RBFOX3: variants seen among roughly 807,000 people sequenced by gnomAD.
The protein encoded by RBFOX3 is RNA binding protein fox-1 homolog 3.
RBFOX3 carries 17 observed loss-of-function variants against 48.7 expected under a neutral mutation model. The ratio of observed to expected loss-of-function variants is 0.35; its 90% CI spans 0.24 to 0.52. The LOEUF is 0.52. Ranked by LOEUF, RBFOX3 falls within the 20% of genes least tolerant of loss-of-function variation. RBFOX3 has a pLI of 0.94. For synonymous variants in RBFOX3, 212 were observed against 209.5 expected, an observed-to-expected ratio of 1.01 and a Z score of -0.10; for missense variants, 382 against 497.5, an observed-to-expected ratio of 0.77 and a Z score of 2.21.
At chr17:79,110,499 G>A (rs2030769869) in intron 5 of RBFOX3, among the ~76,000 whole-genome samples, 1 of 152,232 alleles carries the variant, frequency 6.6e-6, no homozygotes, top group African/African-American at 2.4e-5. Context: ...GAACCAAGCT[G>A]TGCTGCTGTG....
At position 79,103,515 on chromosome 17, in the gene RBFOX3, C is replaced by T. The variant is rs145080513; in HGVS notation, c.415-261G>A. 3.4e-3 allele frequency among the ~76,000 whole-genome samples: 517 copies of T among 152,250 alleles called. No homozygotes were observed. The highest frequency in any genetic ancestry group is 5.5e-3 in the Non-Finnish European group (371 of 68,006). On this transcript the variant is annotated intron_variant, in intron 7 of 14. Transcript: ENST00000693108. The surrounding 1 kb of genome is among the most constrained non-coding windows in gnomAD (Gnocchi z 6.1). ...CTGAGCCCAGCCTGAGCTGATCACCCGGCATCTCCAAAGGGACAGGCCAAA... is the reference window on the plus strand; with the variant it reads ...CTGAGCCCAGCCTGAGCTGATCACCTGGCATCTCCAAAGGGACAGGCCAAA...
chr17:79,153,172 C>T (rs1462786339), intron 4 of RBFOX3, among the ~76,000 whole-genome samples: 4 of 152,192 alleles, frequency 2.6e-5, no homozygotes, highest in Non-Finnish European at 4.4e-5. Flanking sequence ...TGGGGTCCCT[C>T]CCATTTTGCA....
chr17:79,458,488 GT>G (rs2074903711), intron 2 of RBFOX3, among the ~76,000 whole-genome samples: 1 of 152,108 alleles, frequency 6.6e-6, no homozygotes, highest in Non-Finnish European at 1.5e-5. Flanking sequence ...CGTGAGATAT[GT>G]AGCTCTTTGC....
At chr17:79,348,571 CTTTTTTTTTTT>C (rs71358701) in intron 2 of RBFOX3, among the ~76,000 whole-genome samples, 4 of 75,144 alleles carry the variant, frequency 5.3e-5, no homozygotes, top group African/African-American at 1.1e-4. Flanking sequence ...TTTTCTTTTC[CTTTTTTTTTTT>C]TTTTTTTTTT....
chr17:79,408,018 C>T (rs1020113643), intron 2 of RBFOX3, among the ~76,000 whole-genome samples: 3 of 152,162 alleles, frequency 2.0e-5, no homozygotes, highest in Non-Finnish European at 2.9e-5. Context: ...CCAGCGTGGG[C>T]TCTGGAGCCC....
rs1303779643 is a variant in RBFOX3 at position 79,443,421 on chromosome 17, G to A, written c.-175+39033C>T. 4.6e-5 allele frequency among the ~76,000 whole-genome samples: 7 copies of A among 151,458 alleles called. No homozygotes were observed. Among genetic ancestry groups the A allele is most frequent in the Non-Finnish European group, 7.4e-5 (5 of 67,886 alleles). On this transcript the variant is annotated intron_variant, in intron 2 of 14. Coordinates refer to ENST00000693108, the MANE Select transcript of RBFOX3 (RefSeq NM_001350451.2). This position sits in a 1 kb window ranked among gnomAD's most constrained non-coding sequence, Gnocchi z 4.4. ...TCTTTTGAGACAGTCTTGCTCTGTC[G>A]CCCAGGCTGGAGTGCAGTGGCTCGA...
intron 2 of RBFOX3, among the ~76,000 whole-genome samples, chr17:79,381,670 G>A (rs79795860): frequency 0.028 from 4,325 of 152,332 alleles, 78 homozygotes; most frequent in East Asian, 0.084. Flanking sequence ...CTGTTATTGA[G>A]GTAGGGGCAG....
chr17:79,564,996 C>T (rs2092400406), intron 1 of RBFOX3, among the ~76,000 whole-genome samples: 4 of 143,770 alleles, frequency 2.8e-5, no homozygotes, highest in Non-Finnish European at 4.5e-5. Flanking sequence ...GCAGAGATCA[C>T]ACCACTGCTC....
rs114760619 is a variant in RBFOX3 at position 79,435,341 on chromosome 17, G to C, written c.-175+47113C>G. Among the ~76,000 whole-genome samples, 8 of 152,302 alleles carry C rather than the reference G, an allele frequency of 5.3e-5. No individual in the cohort carries two copies. The East Asian group carries it at 7.7e-4, about 15-fold the overall frequency. On this transcript the variant is annotated intron_variant, in intron 2 of 14. Transcript: ENST00000693108. ...AAAGGTACCTGCTTATGCTTTAAAG[G>C]GGGGAGAAGGAAGAAAGCTCATGCC...
chr17:79,304,010 G>A (rs2075737241), intron 3 of RBFOX3, among the ~76,000 whole-genome samples: 2 of 152,202 alleles, frequency 1.3e-5, no homozygotes, highest in South Asian at 4.1e-4. Context: ...ATTATAGGAA[G>A]TTAATGCCCC....
Position 79,471,377 on chromosome 17 carries a change from G to C in RBFOX3, c.-175+11077C>G, listed in dbSNP as rs973160359. On this transcript the variant is annotated intron_variant, in intron 2 of 14. Coordinates refer to ENST00000693108, the MANE Select transcript of RBFOX3 (RefSeq NM_001350451.2). This position sits in a 1 kb window ranked among gnomAD's most constrained non-coding sequence, Gnocchi z 4.0. ...AAATACTAAATAATTCAAAAATCAT[G>C]ATGACCTTGCCTTGGGAACTTTTGG... 1.3e-5 allele frequency among the ~76,000 whole-genome samples: 2 copies of C among 152,198 alleles called. No individual in the cohort carries two copies. The highest frequency in any genetic ancestry group is 6.5e-5 in the Admixed American group (1 of 15,282).
At chr17:79,611,183 TTCTCTC>T (rs1196349028), upstream of RBFOX3, among the ~76,000 whole-genome samples, 52 of 41,486 alleles carry the variant, frequency 1.3e-3, 1 homozygote, top group East Asian at 7.8e-3. Flanking sequence ...TCCGCCCTCC[TTCTCTC>T]TCTCTCTCTC....
chr17:79,416,980 A>G (rs34145625), intron 2 of RBFOX3, among the ~76,000 whole-genome samples: 52,216 of 151,896 alleles, frequency 0.34, 9,455 homozygotes, highest in East Asian at 0.42. Flanking sequence ...GGTAAGCCCC[A>G]GGCCCCTTGG....
chr17:79,377,172 A>G (rs1041083636), intron 2 of RBFOX3, among the ~76,000 whole-genome samples: 23 of 152,276 alleles, frequency 1.5e-4, no homozygotes, highest in African/African-American at 5.5e-4. Context: ...CTGGTCTTGC[A>G]TATTTGTCTA....
intron 4 of RBFOX3, among the ~76,000 whole-genome samples, chr17:79,120,564 T>C (rs1437790286): frequency 2.0e-5 from 3 of 150,404 alleles, no homozygotes; most frequent in East Asian, 3.9e-4. Context: ...AATGGATGGG[T>C]AGATGGATGG....
At chr17:79,495,918 G>C (rs1182065500) in intron 1 of RBFOX3, among the ~76,000 whole-genome samples, 1 of 151,918 alleles carries the variant, frequency 6.6e-6, no homozygotes, top group Non-Finnish European at 1.5e-5. Flanking sequence ...CTCCAGCCTC[G>C]GCACAGCCTG....
chr17:79,409,949 G>A (rs1160073335), intron 2 of RBFOX3, among the ~76,000 whole-genome samples: 2 of 152,246 alleles, frequency 1.3e-5, no homozygotes, highest in Non-Finnish European at 2.9e-5. Flanking sequence ...AGGGAGGAAT[G>A]GAAGTCTCCT....
rs975903105 is a variant in RBFOX3, at chr17:79,582,439, C to T, written c.-320+28387G>A. On this transcript the variant is annotated intron_variant, in intron 1 of 14. Coordinates refer to ENST00000693108, the MANE Select transcript of RBFOX3 (RefSeq NM_001350451.2). ...CCTTCTCCACCTCCCCACAGCCTCT[C>T]TTTGTCCATCCCTGATGACTTGGGG... Among the ~76,000 whole-genome samples the T allele has an allele frequency of 2.2e-4, 34 of 152,350 alleles. 1 individual carries two copies. The East Asian group carries it at 5.6e-3, about 25-fold the overall frequency.
intron 2 of RBFOX3, among the ~76,000 whole-genome samples, chr17:79,328,659 C>A (rs1365369023): frequency 6.6e-6 from 1 of 152,192 alleles, no homozygotes; most frequent in South Asian, 2.1e-4. Context: ...TGACAAGACC[C>A]TCATGTTCCC....
Sources: gnomAD v4.1 joint callset for allele counts (sites outside exome capture counted in the v4.1 genomes callset) on GRCh38, gnomAD v4.1.1 for gene constraint, Gnocchi (gnomAD v3.1) non-coding constraint, MANE v1.5 for transcripts, NCBI Gene and HGNC (gene_info 2026-07-23, HGNC 2026-07-21) for gene names.